Variants in IQCM observed in about 807,000 individuals in gnomAD.
IQCM encodes IQ domain-containing protein M.
IQCM carries 45 observed loss-of-function variants against 57.6 expected under a neutral mutation model. That is an observed-to-expected ratio of 0.78 (90% CI 0.62 to 1.00). The LOEUF is 1.00. IQCM is among the 50% of genes least tolerant of loss of function. IQCM has a pLI of 0.00. For missense variants in IQCM, 468 were observed against 511.6 expected (o/e 0.91, Z 0.82); for synonymous variants, 148 against 158.9 (o/e 0.93, Z 0.51).
chr4:149,507,497 G>T (rs953792274), intron 12 of IQCM, among the ~76,000 whole-genome samples: 1 of 152,198 alleles, frequency 6.6e-6, no homozygotes, highest in Non-Finnish European at 1.5e-5. Flanking sequence ...TGGAGCAAAG[G>T]TGACTCTTGT....
At chr4:149,605,217 A>C (rs1754671348) in intron 8 of IQCM, among the ~76,000 whole-genome samples, 1 of 152,224 alleles carries the variant, frequency 6.6e-6, no homozygotes, top group African/African-American at 2.4e-5. Context: ...GGCCTCCAAA[A>C]GCAAAAAGTC....
At chr4:149,437,715 G>A (rs7690702) in intron 12 of IQCM, among the ~76,000 whole-genome samples, 72,841 of 151,736 alleles carry the variant, frequency 0.48, 17,762 homozygotes, top group African/African-American at 0.55. Context: ...TAATAATAGA[G>A]AATTGACATA....
intron 7 of IQCM, among the ~76,000 whole-genome samples, chr4:149,662,484 G>T (rs963754664): frequency 3.3e-5 from 5 of 151,830 alleles, no homozygotes; most frequent in Non-Finnish European, 7.4e-5. Context: ...TTATCTTAAT[G>T]ATCTGTCCAT....
At chr4:149,572,494 A>C (rs1409337123) in intron 9 of IQCM, among the ~76,000 whole-genome samples, 3 of 151,700 alleles carry the variant, frequency 2.0e-5, no homozygotes, top group African/African-American at 4.8e-5. Context: ...GTCTTCATAA[A>C]AGCGTCTTTC....
intron 7 of IQCM, among the ~76,000 whole-genome samples, chr4:149,634,954 G>C (rs764825557): frequency 6.6e-6 from 1 of 152,164 alleles, no homozygotes; most frequent in Non-Finnish European, 1.5e-5. Flanking sequence ...ATTCATAATT[G>C]TTGGAACTGG....
chr4:149,697,641 A>G (rs2149807017), intron 5 of IQCM, among the ~76,000 whole-genome samples: 1 of 152,228 alleles, frequency 6.6e-6, no homozygotes, highest in Middle Eastern at 3.4e-3. Flanking sequence ...TAAGACAGGC[A>G]TTCATGGCAT....
intron 13 of IQCM, among the ~76,000 whole-genome samples, chr4:149,429,047 T>TA (rs1367707067): frequency 2.0e-4 from 31 of 152,008 alleles, no homozygotes; most frequent in African/African-American, 7.5e-4. Flanking sequence ...AGTGATTTTC[T>TA]AGAAAGATAA....
At chr4:149,658,361 G>A (rs1759822557) in intron 7 of IQCM, among the ~76,000 whole-genome samples, 1 of 151,974 alleles carries the variant, frequency 6.6e-6, no homozygotes, top group South Asian at 2.1e-4. Flanking sequence ...CTTGGTCTAT[G>A]TGTTTGGTTT....
At chr4:149,467,911 C>T (rs1215388497) in intron 12 of IQCM, among the ~76,000 whole-genome samples, 1 of 152,122 alleles carries the variant, frequency 6.6e-6, no homozygotes. Flanking sequence ...GCTGTTTATA[C>T]ATTTCATCAA....
chr4:149,767,168 A>C (rs1770140851), intron 2 of IQCM, among the ~76,000 whole-genome samples: 1 of 152,070 alleles, frequency 6.6e-6, no homozygotes, highest in East Asian at 1.9e-4. Flanking sequence ...AGAAAGAGGT[A>C]AAATCTAATG....
chr4:149,675,191 A>C (rs1011854445), intron 7 of IQCM, among the ~76,000 whole-genome samples: 3 of 152,132 alleles, frequency 2.0e-5, no homozygotes, highest in African/African-American at 7.2e-5. Context: ...AGTGTTACAG[A>C]AATTGACAAG....
intron 13 of IQCM, among the ~76,000 whole-genome samples, chr4:149,403,911 A>G (rs962489556): frequency 5.9e-5 from 9 of 152,086 alleles, no homozygotes; most frequent in African/African-American, 2.2e-4. Flanking sequence ...AGCAGAATTA[A>G]AGAGTGAATT....
intron 12 of IQCM, among the ~76,000 whole-genome samples, chr4:149,540,251 C>G (rs1376207910): frequency 6.7e-6 from 1 of 149,556 alleles, no homozygotes; most frequent in Admixed American, 6.8e-5. Context: ...ATGTTTAGAA[C>G]TACGAGACAC....
At chr4:149,687,193 C>G (rs1310617703) in intron 5 of IQCM, among the ~76,000 whole-genome samples, 2 of 151,482 alleles carry the variant, frequency 1.3e-5, no homozygotes, top group African/African-American at 2.4e-5. Context: ...AAATTACAGG[C>G]TAGATGGATC....
chr4:149,428,793 G>C lies in IQCM; in HGVS notation c.1390+4603C>G, dbSNP rs558994443. Among the ~76,000 whole-genome samples, 8 of 151,708 alleles carry C rather than the reference G, an allele frequency of 5.3e-5. No homozygotes were observed. The South Asian group carries it at 1.7e-3, about 32-fold the overall frequency. On this transcript the variant is annotated intron_variant, in intron 13 of 13. Transcript: ENST00000636793. ...TTTAATGGGAAAAAAACAGTAATTA[G>C]GCCAAGAAATCAGGTTCTAGTATTA...
intron 8 of IQCM, among the ~76,000 whole-genome samples, chr4:149,614,910 C>A (rs2150061218): frequency 6.6e-6 from 1 of 152,316 alleles, no homozygotes; most frequent in African/African-American, 2.4e-5. Flanking sequence ...CTTAGGACCA[C>A]TGCAACATAG....
intron 12 of IQCM, among the ~76,000 whole-genome samples, chr4:149,472,298 A>C (rs1739657445): frequency 6.6e-6 from 1 of 152,202 alleles, no homozygotes; most frequent in South Asian, 2.1e-4. Context: ...TCAATGTACA[A>C]AAATCACAAG....
chr4:149,360,832 A>C (rs1348508284), intron 13 of IQCM, among the ~76,000 whole-genome samples: 1 of 152,190 alleles, frequency 6.6e-6, no homozygotes, highest in Non-Finnish European at 1.5e-5. Flanking sequence ...GTACCAGCAG[A>C]GTGGGGCATT....
At chr4:149,790,680 T>C (rs561899833) in intron 2 of IQCM, among the ~76,000 whole-genome samples, 3 of 152,288 alleles carry the variant, frequency 2.0e-5, no homozygotes, top group African/African-American at 7.2e-5. Flanking sequence ...AATTGTGCAA[T>C]ACAACCAAGC....
Sources: gnomAD v4.1 joint callset for allele counts (sites outside exome capture counted in the v4.1 genomes callset) on GRCh38, gnomAD v4.1.1 for gene constraint, MANE v1.5 for transcripts, NCBI Gene and HGNC (gene_info 2026-07-23, HGNC 2026-07-21) for gene names.